Variants in ACOT12 observed in about 807,000 individuals in gnomAD.
ACOT12 encodes acetyl-coenzyme A thioesterase.
In ACOT12, 51 loss-of-function variants were observed where a neutral mutation model predicts 67.7. That is an observed-to-expected ratio of 0.75 (90% CI 0.60 to 0.95). The LOEUF (loss-of-function observed/expected upper bound fraction) is 0.95. Among genes scored for constraint, ACOT12 ranks in the 40% least tolerant of loss-of-function variants. ACOT12 has a pLI of 0.00. For missense variants in ACOT12, 734 were observed against 708.1 expected (o/e 1.04, Z -0.41); for synonymous variants, 251 against 244.6 (o/e 1.03, Z -0.24).
intron 2 of ACOT12, among the ~76,000 whole-genome samples, chr5:81,376,222 C>G (rs1409186633): frequency 1.3e-5 from 2 of 151,950 alleles, no homozygotes; most frequent in Non-Finnish European, 2.9e-5. Flanking sequence ...AACTGAACAA[C>G]CTGCTCCTGA....
At chr5:81,336,287 T>A (rs1461336413) in intron 11 of ACOT12, among the ~76,000 whole-genome samples, 1 of 152,106 alleles carries the variant, frequency 6.6e-6, no homozygotes. Flanking sequence ...CTCATCTCCC[T>A]CAAAAGAGCA....
intron 5 of ACOT12, among the ~76,000 whole-genome samples, chr5:81,352,764 A>C (rs988616252): frequency 9.2e-5 from 14 of 152,172 alleles, no homozygotes; most frequent in Non-Finnish European, 4.4e-5. Flanking sequence ...TGTTTGTCAC[A>C]CTTGAAGGAG....
intron 5 of ACOT12, among the ~76,000 whole-genome samples, chr5:81,354,240 A>T (rs1185950658): frequency 6.6e-6 from 1 of 152,268 alleles, no homozygotes; most frequent in Admixed American, 6.5e-5. Flanking sequence ...TGAACTAGAC[A>T]TGTAGATGTA....
intron 11 of ACOT12, among the ~76,000 whole-genome samples, chr5:81,338,071 T>C (rs551534710): frequency 6.6e-6 from 1 of 152,308 alleles, no homozygotes; most frequent in African/African-American, 2.4e-5. Context: ...ATCAATGATA[T>C]TGATGCAAAC....
the ACOT12 span, among the ~76,000 whole-genome samples, chr5:81,317,909 G>A: frequency 7.1e-6 from 1 of 140,238 alleles, no homozygotes; most frequent in South Asian, 2.3e-4. Flanking sequence ...TTTTTTTGGA[G>A]ACAGAGTTTG....
downstream of ACOT12, among the ~76,000 whole-genome samples, chr5:81,328,498 T>C (rs79541671): frequency 0.013 from 1,963 of 152,336 alleles, 37 homozygotes; most frequent in African/African-American, 0.045. Flanking sequence ...ACAACTGGAA[T>C]GCCTTAGTTA....
intron 5 of ACOT12, among the ~76,000 whole-genome samples, chr5:81,356,423 C>G (rs149297553): frequency 6.6e-6 from 1 of 152,284 alleles, no homozygotes; most frequent in African/African-American, 2.4e-5. Context: ...TCTGGATCCT[C>G]TCTTAGATGC....
chr5:81,373,113 G>C (rs1462214494), intron 2 of ACOT12, among the ~76,000 whole-genome samples: 1 of 152,210 alleles, frequency 6.6e-6, no homozygotes, highest in Admixed American at 6.5e-5. Context: ...GCAGCTATCA[G>C]CGAGATCGAT....
intron 6 of ACOT12, among the ~76,000 whole-genome samples, chr5:81,347,082 G>A (rs1759403664): frequency 6.6e-6 from 1 of 151,960 alleles, no homozygotes; most frequent in Admixed American, 6.6e-5. Flanking sequence ...CACCTTTAAA[G>A]GTCAGACCTA....
intron 1 of ACOT12, among the ~76,000 whole-genome samples, chr5:81,388,079 A>G (rs2153860334): frequency 6.6e-6 from 1 of 152,292 alleles, no homozygotes; most frequent in Non-Finnish European, 1.5e-5. Context: ...TGGTACTATT[A>G]TTAGCTCCCT....
chr5:81,328,880 T>G (rs1176406035), downstream of ACOT12, among the ~76,000 whole-genome samples: 1 of 152,200 alleles, frequency 6.6e-6, no homozygotes, highest in Non-Finnish European at 1.5e-5. Context: ...ATTCTATACC[T>G]GTATAGTCCA....
At chr5:81,327,072 T>G (rs1758689830), downstream of ACOT12, among the ~76,000 whole-genome samples, 1 of 151,980 alleles carries the variant, frequency 6.6e-6, no homozygotes, top group Non-Finnish European at 1.5e-5. Context: ...AGACTATCCT[T>G]ATAACTATGC....
intron 11 of ACOT12, among the ~76,000 whole-genome samples, chr5:81,337,610 G>A (rs1356325838): frequency 6.6e-6 from 1 of 151,576 alleles, no homozygotes; most frequent in Non-Finnish European, 1.5e-5. Context: ...GAGATCTGGT[G>A]ATGTTTCTAT....
downstream of ACOT12, among the ~76,000 whole-genome samples, chr5:81,329,347 C>T (rs1193646110): frequency 6.6e-6 from 1 of 152,006 alleles, no homozygotes; most frequent in African/African-American, 2.4e-5. Flanking sequence ...TATTTTAATC[C>T]ACATATCCAC....
intron 4 of ACOT12, among the ~76,000 whole-genome samples, chr5:81,360,480 G>C (rs189740701): frequency 1.9e-4 from 29 of 152,296 alleles, no homozygotes; most frequent in African/African-American, 6.5e-4. Flanking sequence ...TCTAGAGAAA[G>C]TTATCTTATA....
At chr5:81,388,072 T>C (rs1760776496) in intron 1 of ACOT12, among the ~76,000 whole-genome samples, 1 of 152,200 alleles carries the variant, frequency 6.6e-6, no homozygotes, top group African/African-American at 2.4e-5. Context: ...ATGAAGTTGG[T>C]ACTATTATTA....
In ACOT12 at chr5:81,330,402, T is replaced by G. The variant is rs1758775862; in HGVS notation, c.1660A>C (p.Thr554Pro). 5 of 1,607,390 alleles carry G rather than the reference T, an allele frequency of 3.1e-6. No individual in the cohort carries two copies. Among genetic ancestry groups the G allele is most frequent in the Non-Finnish European group, 4.2e-6 (5 of 1,177,390 alleles). Residue 554 changes from threonine to proline, a missense_variant, in exon 15 of 15, where the codon ACA becomes CCA. Thr to Pro is a conservative substitution (Grantham distance 38). Transcript: ENST00000307624. The part of the protein sequence containing the change: ...ENPPDDGFVS[T>P]F ...TAATTGAAAGTTGACCTTTAAAATG[T>G]GCTTACAAACCCATCATCAGGAGGA...
the ACOT12 span, among the ~76,000 whole-genome samples, chr5:81,314,421 A>G: frequency 6.6e-6 from 1 of 152,076 alleles, no homozygotes; most frequent in African/African-American, 2.4e-5. Context: ...TTATATTTTA[A>G]TGATCTATAA....
At chr5:81,328,332 A>G (rs925010451), downstream of ACOT12, among the ~76,000 whole-genome samples, 5 of 152,098 alleles carry the variant, frequency 3.3e-5, no homozygotes, top group African/African-American at 1.2e-4. Flanking sequence ...AATTTTATTT[A>G]TGATGTGAAC....
Sources: gnomAD v4.1 joint callset for allele counts (sites outside exome capture counted in the v4.1 genomes callset) on GRCh38, gnomAD v4.1.1 for gene constraint, MANE v1.5 for transcripts, NCBI Gene and HGNC (gene_info 2026-07-23, HGNC 2026-07-21) for gene names.